Variants in ULK4 observed in about 807,000 individuals in gnomAD.
ULK4 encodes inactive serine/threonine-protein kinase ULK4.
Under a neutral mutation model 160.6 loss-of-function variants are expected in ULK4, and 133 were observed. The observed-to-expected ratio is 0.83, with a 90% CI of 0.72 to 0.96. The LOEUF is 0.96. Among genes scored for constraint, ULK4 ranks in the 40% least tolerant of loss-of-function variants. The pLI is 0.00. For missense variants in ULK4, 1,580 were observed against 1,499.5 expected, an observed-to-expected ratio of 1.05 and a Z score of -0.89; for synonymous variants, 534 against 539.8, an observed-to-expected ratio of 0.99 and a Z score of 0.15.
At chr3:41,274,211 T>G (rs2125688676) in intron 35 of ULK4, among the ~76,000 whole-genome samples, 1 of 152,282 alleles carries the variant, frequency 6.6e-6, no homozygotes, top group South Asian at 2.1e-4. Context: ...TCTGTATTTT[T>G]TTTCCTCTTC....
intron 20 of ULK4, among the ~76,000 whole-genome samples, chr3:41,794,747 T>C (rs2040256466): frequency 6.7e-6 from 1 of 148,412 alleles, no homozygotes; most frequent in African/African-American, 2.5e-5. Context: ...GCTGCATTCA[T>C]TAGAGGCGAG....
chr3:41,708,177 C>CATATATATAT (rs151064663), intron 25 of ULK4, among the ~76,000 whole-genome samples: 6,930 of 149,898 alleles, frequency 0.046, 309 homozygotes, highest in African/African-American at 0.12. Context: ...AATACATATA[C>CATATATATAT]ATATATATAT....
intron 22 of ULK4, among the ~76,000 whole-genome samples, chr3:41,740,753 G>T (rs2038215397): frequency 6.6e-6 from 1 of 151,962 alleles, no homozygotes; most frequent in Admixed American, 6.6e-5. Context: ...GCAGCACTGT[G>T]ATTTGTTCAG....
At chr3:41,807,856 C>T (rs777199804) in intron 19 of ULK4, among the ~76,000 whole-genome samples, 7 of 152,126 alleles carry the variant, frequency 4.6e-5, no homozygotes, top group Non-Finnish European at 1.0e-4. Flanking sequence ...CACTTCTAGC[C>T]TCTCTCTGTT....
intron 35 of ULK4, among the ~76,000 whole-genome samples, chr3:41,396,851 T>C (rs1248215659): frequency 6.6e-6 from 1 of 152,152 alleles, no homozygotes; most frequent in East Asian, 1.9e-4. Flanking sequence ...CTGAGATTAG[T>C]AAGTCTTGTT....
chr3:41,342,414 G>T (rs1461576720), intron 35 of ULK4, among the ~76,000 whole-genome samples: 1 of 152,076 alleles, frequency 6.6e-6, no homozygotes, highest in East Asian at 1.9e-4. Context: ...CTGATTTAGA[G>T]GCCTTTAATA....
At chr3:41,319,704 A>T (rs2080212259) in intron 35 of ULK4, among the ~76,000 whole-genome samples, 1 of 152,226 alleles carries the variant, frequency 6.6e-6, no homozygotes, top group African/African-American at 2.4e-5. Context: ...AATACTTTAT[A>T]TGTATTAATC....
At chr3:41,791,005 C>A (rs2125593327) in intron 20 of ULK4, among the ~76,000 whole-genome samples, 1 of 151,852 alleles carries the variant, frequency 6.6e-6, no homozygotes, top group South Asian at 2.1e-4. Flanking sequence ...ACAAAAAGAT[C>A]AAATATAAAA....
At chr3:41,937,475 AT>A (rs1211400564) in intron 3 of ULK4, 1 of 565,112 alleles carries the variant, frequency 1.8e-6, no homozygotes, top group African/African-American at 1.9e-5. Flanking sequence ...ATTATCCTTT[AT>A]TGTTACTCAA....
intron 16 of ULK4, among the ~76,000 whole-genome samples, chr3:41,886,548 T>A (rs2148774226): frequency 6.6e-6 from 1 of 151,706 alleles, no homozygotes; most frequent in East Asian, 1.9e-4. Context: ...AAAAACCATA[T>A]GACGTACAGA....
intron 17 of ULK4, among the ~76,000 whole-genome samples, chr3:41,858,824 C>CA (rs920409054): frequency 6.6e-6 from 1 of 151,792 alleles, no homozygotes; most frequent in East Asian, 1.9e-4. Flanking sequence ...TTTTCCCCCC[C>CA]ATAGAAAGCA....
chr3:41,582,377 C>T (rs1002587956), intron 31 of ULK4, among the ~76,000 whole-genome samples: 2 of 152,092 alleles, frequency 1.3e-5, no homozygotes, highest in South Asian at 2.1e-4. Context: ...CTAATACACT[C>T]GGTTAATAAG....
chr3:41,389,686 C>G lies in ULK4; in HGVS notation c.3678+8393G>C, dbSNP rs7645025. ...TGCTGGATTATGTTTATTGATTTGC[C>G]TATGTTGAACCAGCCTTGCATCTCA... On this transcript the variant is annotated intron_variant, in intron 35 of 36. Transcript: ENST00000301831. Among the ~76,000 whole-genome samples the G allele has an allele frequency of 6.7e-3, 1,014 of 152,054 alleles. 4 individuals carry two copies. Among genetic ancestry groups the G allele is most frequent in the East Asian group, 0.015 (79 of 5,162 alleles).
chr3:41,564,104 T>C (rs1209768335), intron 32 of ULK4, among the ~76,000 whole-genome samples: 1 of 152,180 alleles, frequency 6.6e-6, no homozygotes, highest in Non-Finnish European at 1.5e-5. Context: ...TAATTTTCCT[T>C]CTTACAGTCA....
chr3:41,592,853 G>C (rs1456837066), intron 31 of ULK4, among the ~76,000 whole-genome samples: 1 of 152,010 alleles, frequency 6.6e-6, no homozygotes, highest in East Asian at 1.9e-4. Flanking sequence ...TTTATCCTTT[G>C]TGCTTTCAAT....
intron 35 of ULK4, among the ~76,000 whole-genome samples, chr3:41,280,586 A>T (rs547911440): frequency 8.1e-4 from 123 of 152,342 alleles, no homozygotes; most frequent in African/African-American, 2.9e-3. Context: ...TGAAGGCAGA[A>T]ATAAAGATGT....
chr3:41,800,346 A>G, intron 19 of ULK4, 53 bp from the exon 20 acceptor site: 1 of 1,525,726 alleles, frequency 6.6e-7, no homozygotes, highest in Non-Finnish European at 8.9e-7. Flanking sequence ...AATACATGTT[A>G]TTTCTTTATG....
intron 22 of ULK4, among the ~76,000 whole-genome samples, chr3:41,744,470 T>C (rs1207238053): frequency 2.0e-5 from 3 of 151,964 alleles, no homozygotes; most frequent in Non-Finnish European, 4.4e-5. Flanking sequence ...ACTTACATTA[T>C]GATAAAAGCA....
chr3:41,731,897 A>G (rs1279693309), intron 22 of ULK4, among the ~76,000 whole-genome samples: 1 of 152,184 alleles, frequency 6.6e-6, no homozygotes, highest in African/African-American at 2.4e-5. Flanking sequence ...CAATCTCTTC[A>G]ATAAACGAAG....
Sources: gnomAD v4.1 joint callset for allele counts (sites outside exome capture counted in the v4.1 genomes callset) on GRCh38, gnomAD v4.1.1 for gene constraint, MANE v1.5 for transcripts, NCBI Gene and HGNC (gene_info 2026-07-23, HGNC 2026-07-21) for gene names.